LRBA: variants seen among roughly 807,000 people sequenced by gnomAD.
LRBA encodes LPS responsive beige-like anchor protein, also known as lipopolysaccharide-responsive and beige-like anchor protein.
Under a neutral mutation model 330.0 loss-of-function variants are expected in LRBA, and 176 were observed. The ratio of observed to expected loss-of-function variants is 0.53; its 90% confidence interval spans 0.47 to 0.60. The LOEUF (loss-of-function observed/expected upper bound fraction) is 0.60, where lower values mean the gene tolerates loss of function less well. Ranked by LOEUF, LRBA falls within the 20% of genes least tolerant of loss-of-function variation. The probability of loss-of-function intolerance (pLI) is 0.00; values close to 1 mark genes in which losing one functional copy is unlikely to be tolerated. For synonymous variants in LRBA, 1,230 were observed against 1,193.0 expected (o/e 1.03, Z -0.64); for missense variants, 3,259 against 3,444.8 (o/e 0.95, Z 1.35).
intron 40 of LRBA, among the ~76,000 whole-genome samples, chr4:150,577,126 T>C (rs1398341575): frequency 6.6e-6 from 1 of 151,966 alleles, no homozygotes; most frequent in Admixed American, 6.5e-5. Context: ...CTTAACACTT[T>C]GGAATTTTAG....
At chr4:150,509,422 A>C (rs980676149) in intron 40 of LRBA, among the ~76,000 whole-genome samples, 7 of 152,108 alleles carry the variant, frequency 4.6e-5, no homozygotes, top group Non-Finnish European at 4.4e-5. Flanking sequence ...AGGGAAATTT[A>C]CAGCACTAAA....
chr4:151,005,437 C>CAAAAAA (rs70941465), intron 2 of LRBA, among the ~76,000 whole-genome samples: 1 of 60,576 alleles, frequency 1.7e-5, no homozygotes, highest in African/African-American at 7.3e-5. Flanking sequence ...GACTCCAACT[C>CAAAAAA]AAAAAAAAAA....
intron 4 of LRBA, among the ~76,000 whole-genome samples, chr4:150,921,567 CT>C (rs542977688): frequency 1.3e-5 from 2 of 149,532 alleles, no homozygotes; most frequent in Non-Finnish European, 1.5e-5. Flanking sequence ...CAAAAATGAT[CT>C]TTTTTTTTTC....
chr4:150,312,215 G>A (rs1412485246), intron 51 of LRBA, among the ~76,000 whole-genome samples: 1 of 151,992 alleles, frequency 6.6e-6, no homozygotes, highest in East Asian at 1.9e-4. Flanking sequence ...CTAAGCAAGT[G>A]CTTACTTGTA....
chr4:150,790,837 T>C (rs1041053980), intron 34 of LRBA, among the ~76,000 whole-genome samples: 7 of 152,194 alleles, frequency 4.6e-5, no homozygotes, highest in Non-Finnish European at 7.3e-5. Flanking sequence ...TTGTATATTA[T>C]AAGAACAAAG....
intron 47 of LRBA, among the ~76,000 whole-genome samples, chr4:150,401,843 G>A (rs1328777733): frequency 6.6e-6 from 1 of 151,738 alleles, no homozygotes; most frequent in Non-Finnish European, 1.5e-5. Context: ...TAAAAATATT[G>A]TGTGTATATA....
chr4:150,868,807 G>A (rs887626123), intron 20 of LRBA, among the ~76,000 whole-genome samples: 10 of 151,914 alleles, frequency 6.6e-5, no homozygotes, highest in Non-Finnish European at 8.8e-5. Flanking sequence ...GTGTGGTGGC[G>A]TGTGCCTGTA....
intron 33 of LRBA, among the ~76,000 whole-genome samples, chr4:150,803,599 T>C (rs1742091309): frequency 6.6e-6 from 1 of 152,218 alleles, no homozygotes; most frequent in East Asian, 1.9e-4. Flanking sequence ...TTAATGCTTT[T>C]TGTACAGTAT....
chr4:150,622,745 C>T (rs1399240925), intron 37 of LRBA, among the ~76,000 whole-genome samples: 5 of 140,818 alleles, frequency 3.6e-5, no homozygotes, highest in South Asian at 2.2e-4. Flanking sequence ...TTCACCAGGC[C>T]GGAGTGCAGT....
rs536930114 is a variant in LRBA at position 150,651,202 on chromosome 4, T to C, written c.5921+32349A>G. On this transcript the variant is annotated intron_variant, in intron 37 of 56. Transcript: ENST00000651943. ...TAATAAAATATCAAATTCAAGGTGA[T>C]ACAGTAACTAAATATTTTACTAGAT... is the stretch of plus-strand genomic sequence containing the variant. Among the ~76,000 whole-genome samples, 7 of 152,286 alleles carry C rather than the reference T, an allele frequency of 4.6e-5. No homozygotes were observed. The South Asian group carries it at 1.4e-3, about 32-fold the overall frequency.
intron 22 of LRBA, among the ~76,000 whole-genome samples, chr4:150,861,597 T>C (rs1484173577): frequency 6.6e-6 from 1 of 152,122 alleles, no homozygotes; most frequent in Non-Finnish European, 1.5e-5. Flanking sequence ...AGTGAGTAAG[T>C]GGTGAGTAAA....
At chr4:150,376,678 A>G (rs1473476068) in intron 47 of LRBA, among the ~76,000 whole-genome samples, 1 of 152,196 alleles carries the variant, frequency 6.6e-6, no homozygotes, top group African/African-American at 2.4e-5. Context: ...AATAACAAAT[A>G]AGTTTTTAAA....
intron 38 of LRBA, among the ~76,000 whole-genome samples, chr4:150,591,775 G>A (rs1386823322): frequency 1.3e-5 from 2 of 151,972 alleles, no homozygotes; most frequent in Non-Finnish European, 1.5e-5. Context: ...TCTAGGGAGG[G>A]AAGAAGCAGC....
chr4:150,756,938 GATA>G (rs1257208368), intron 35 of LRBA, among the ~76,000 whole-genome samples: 3 of 152,124 alleles, frequency 2.0e-5, no homozygotes, highest in Admixed American at 6.5e-5. Context: ...CAGAGGTGCT[GATA>G]ATAATGATTC....
intron 40 of LRBA, among the ~76,000 whole-genome samples, chr4:150,552,728 T>C (rs1286952032): frequency 2.6e-5 from 4 of 151,992 alleles, no homozygotes; most frequent in African/African-American, 9.7e-5. Flanking sequence ...CTCACAATAG[T>C]AAAGACTTGG....
chr4:150,510,498 T>C (rs1176940446), intron 40 of LRBA, among the ~76,000 whole-genome samples: 4 of 152,204 alleles, frequency 2.6e-5, no homozygotes, highest in Non-Finnish European at 5.9e-5. Flanking sequence ...AAAATAAATA[T>C]ATTAAATGTC....
At chr4:150,714,267 C>T (rs1786521225) in intron 36 of LRBA, among the ~76,000 whole-genome samples, 1 of 152,032 alleles carries the variant, frequency 6.6e-6, no homozygotes, top group African/African-American at 2.4e-5. Context: ...TAATTTGTAA[C>T]TCAAATGTAC....
At chr4:150,468,039 C>T (rs1338526405) in intron 43 of LRBA, among the ~76,000 whole-genome samples, 1 of 151,960 alleles carries the variant, frequency 6.6e-6, no homozygotes. Context: ...ATGGTCAAAC[C>T]ATATTGAAAT....
intron 2 of LRBA, among the ~76,000 whole-genome samples, chr4:150,995,109 G>GA (rs1057275491): frequency 1.3e-5 from 2 of 151,476 alleles, no homozygotes; most frequent in Non-Finnish European, 2.9e-5. Context: ...CGGTGGAAGA[G>GA]AAAAAACGAA....
Sources: allele counts gnomAD v4.1 joint callset (sites outside exome capture counted in the v4.1 genomes callset), GRCh38; gene constraint gnomAD v4.1.1; transcripts MANE v1.5; gene names NCBI Gene and HGNC (gene_info 2026-07-23, HGNC 2026-07-21).